Variants in VSIG1 observed in about 807,000 individuals in gnomAD.
VSIG1 encodes the protein V-set and immunoglobulin domain containing 1.
Under a neutral mutation model 20.1 loss-of-function variants are expected in VSIG1, and 11 were observed. The ratio of observed to expected loss-of-function variants is 0.55; its 90% CI spans 0.34 to 0.91. VSIG1 has a LOEUF of 0.91. VSIG1 is among the 40% of genes least tolerant of loss of function. The pLI, the probability that VSIG1 is intolerant of heterozygous loss-of-function variation, is 0.02. For synonymous variants in VSIG1, 126 were observed against 116.7 expected, an observed-to-expected ratio of 1.08 and a Z score of -0.52; for missense variants, 283 against 298.8, an observed-to-expected ratio of 0.95 and a Z score of 0.39.
chrX:108,032,780 G>A, the VSIG1 span, among the ~76,000 whole-genome samples: 2 of 111,602 alleles, frequency 1.8e-5, no homozygotes, highest in Admixed American at 1.9e-4. Flanking sequence ...GCAAAGAGTG[G>A]TGGGAGATAA....
chrX:108,069,530 T>C (rs2031197999), intron 3 of VSIG1, among the ~76,000 whole-genome samples: 1 of 111,490 alleles, frequency 9.0e-6, no homozygotes, highest in Non-Finnish European at 1.9e-5. Flanking sequence ...TGAGGCAAGA[T>C]GGGGACAGGT....
rs779703242 is a variant in VSIG1 at position 108,047,861 on chromosome X, T to C, written c.49+2682T>C. Among the ~76,000 whole-genome samples the C allele has an allele frequency of 1.4e-3, 84 of 61,180 alleles. 1 individual carries two copies. Among genetic ancestry groups the C allele is most frequent in the East Asian group, 0.011 (23 of 2,079 alleles). The allele number at this position is 61,180 out of a possible 115,157, so 53.1% of individuals were successfully genotyped here. On this transcript the variant is annotated intron_variant, in intron 1 of 6. Transcript: ENST00000217957. ...ATATATATACATATATATATACACATATATATATACACATATATATATATA... is the reference window on the plus strand; with the variant it reads ...ATATATATACATATATATATACACACATATATATACACATATATATATATA...
At chrX:108,025,647 T>C in the VSIG1 span, among the ~76,000 whole-genome samples, 1 of 112,700 alleles carries the variant, frequency 8.9e-6, no homozygotes, top group African/African-American at 3.2e-5. Flanking sequence ...TGTTTTTAAA[T>C]TTTTCAATAA....
chrX:108,034,191 A>G, the VSIG1 span, among the ~76,000 whole-genome samples: 2 of 111,025 alleles, frequency 1.8e-5, no homozygotes, highest in African/African-American at 6.6e-5. Context: ...GTGACCCAGC[A>G]TCTCAGGTCA....
chrX:108,061,622 A>T (rs1484891536), intron 2 of VSIG1: 1 of 767,138 alleles, frequency 1.3e-6, no homozygotes, highest in Admixed American at 2.7e-5. Context: ...ATGGGATGGG[A>T]GGGTCTGACT....
intron 6 of VSIG1, among the ~76,000 whole-genome samples, 195 bp downstream of exon 6, chrX:108,076,413 C>T (rs1285231548): frequency 8.9e-6 from 1 of 112,306 alleles, no homozygotes; most frequent in African/African-American, 3.2e-5. Context: ...GTTCTAAGCA[C>T]TTTATGTACA....
upstream of VSIG1, among the ~76,000 whole-genome samples, chrX:108,041,471 A>T (rs2030478426): frequency 9.0e-6 from 1 of 111,602 alleles, no homozygotes; most frequent in African/African-American, 3.3e-5. Context: ...GAAAGAGAGA[A>T]TAAAAATACC....
At position 108,052,579 on chromosome X, in the gene VSIG1, G is replaced by A. The variant is rs200232449; in HGVS notation, c.50-5459G>A. Among the ~76,000 whole-genome samples the A allele has an allele frequency of 6.7e-4, 74 of 110,879 alleles. 1 individual carries two copies. The East Asian group carries it at 0.018, about 27-fold the overall frequency. On this transcript the variant is annotated intron_variant, in intron 1 of 6. Transcript: ENST00000217957. ...TGCCGTGAGCCGAGATCACACTACT[G>A]CACTCCAACCTGGGTGACAGAGTGA...
At chrX:108,064,589 T>A (rs2031091054) in intron 2 of VSIG1, 1 of 209,846 alleles carries the variant, frequency 4.8e-6, no homozygotes, top group African/African-American at 3.1e-5. Context: ...AGAAATAAGG[T>A]CCTTTTCACC....
At chrX:108,039,086 G>A in the VSIG1 span, among the ~76,000 whole-genome samples, 694 of 111,526 alleles carry the variant, frequency 6.2e-3, 6 homozygotes, top group African/African-American at 0.021. Flanking sequence ...AGCAAATTTA[G>A]GGGCTTATAA....
chrX:108,028,902 G>A, the VSIG1 span, among the ~76,000 whole-genome samples: 10 of 111,679 alleles, frequency 9.0e-5, no homozygotes, highest in Non-Finnish European at 1.3e-4. Context: ...ATGATGGAGA[G>A]TGTGTCTCCA....
chrX:108,072,630 A>G (rs1167235424), intron 3 of VSIG1, 47 bp from the exon 4 acceptor site: 1 of 1,113,901 alleles, frequency 9.0e-7, no homozygotes, highest in East Asian at 3.0e-5. Flanking sequence ...TTGTCACAGA[A>G]TGCCATTCAT....
At chrX:108,047,885 TACACAC>T (rs1158059422) in intron 1 of VSIG1, among the ~76,000 whole-genome samples, 1 of 46,629 alleles carries the variant, frequency 2.1e-5, no homozygotes, top group African/African-American at 1.6e-4. Context: ...TATATATATA[TACACAC>T]ATATATATAT....
At chrX:108,036,047 A>C in the VSIG1 span, among the ~76,000 whole-genome samples, 3 of 98,467 alleles carry the variant, frequency 3.0e-5, no homozygotes, top group Non-Finnish European at 6.1e-5. Flanking sequence ...TGCTTCAGCC[A>C]GGGCCTTATT....
chrX:108,050,752 CTG>C (rs1177709741), intron 1 of VSIG1, among the ~76,000 whole-genome samples: 86 of 111,565 alleles, frequency 7.7e-4, no homozygotes, highest in African/African-American at 2.8e-3. Flanking sequence ...CTCTTAAAAA[CTG>C]AGGGAGATTT....
intron 1 of VSIG1, among the ~76,000 whole-genome samples, chrX:108,046,222 G>C (rs1270564454): frequency 2.7e-5 from 3 of 111,915 alleles, no homozygotes; most frequent in Non-Finnish European, 5.6e-5. Flanking sequence ...TTTAGAAATA[G>C]TTCTTTAAAT....
Position 108,079,069 on chromosome X carries a change from G to A in VSIG1, c.*1688G>A, listed in dbSNP as rs1250544207. ...AATCATATTTAAATCTTACTTTAAG[G>A]CTCAATAAATAATACTCATAATGTC... is the stretch of plus-strand genomic sequence containing the variant. On this transcript the variant is annotated 3_prime_UTR_variant, in exon 7 of 7. Transcript: ENST00000217957. The A allele has an allele frequency of 8.9e-6, 1 of 112,079 alleles. No homozygotes were observed. The highest frequency in any genetic ancestry group is 9.4e-5 in the Admixed American group (1 of 10,618). The allele number at this position is 112,079 out of a possible 1,213,427, so 9.2% of individuals were successfully genotyped here. A position where few individuals can be genotyped will look rare whatever the true frequency, so the allele number is the denominator to read the frequency against.
Position 108,047,788 on chromosome X carries a change from C to CTA in VSIG1, c.49+2610_49+2611insAT, listed in dbSNP as rs1156663703. 5.7e-3 allele frequency among the ~76,000 whole-genome samples: 323 copies of CTA among 56,554 alleles called. 8 individuals are homozygous for CTA. Among genetic ancestry groups the CTA allele is most frequent in the South Asian group, 6.5e-3 (8 of 1,228 alleles). 49.1% of individuals were successfully genotyped at this position (56,554 alleles called of 115,157 possible). A position where few individuals can be genotyped will look rare whatever the true frequency, so the allele number is the denominator to read the frequency against. On this transcript the variant is annotated intron_variant, in intron 1 of 6. Coordinates refer to ENST00000217957, the MANE Select transcript of VSIG1 (RefSeq NM_182607.5). Reference sequence around the variant, plus strand: ...ATTCTCTCTCTCTCTCTCTCTCTCTCTCTATATATATATATATATACATAT... The same window carrying CTA: ...ATTCTCTCTCTCTCTCTCTCTCTCTCTATCTATATATATATATATATACATAT...
At chrX:108,074,126 C>T (rs760939438) in intron 5 of VSIG1, among the ~76,000 whole-genome samples, 1 of 112,139 alleles carries the variant, frequency 8.9e-6, no homozygotes, top group African/African-American at 3.2e-5. Context: ...CTTAATAACA[C>T]TTAGGATCTT....
Sources: allele counts gnomAD v4.1 joint callset (sites outside exome capture counted in the v4.1 genomes callset), GRCh38; gene constraint gnomAD v4.1.1; transcripts MANE v1.5; gene names NCBI Gene and HGNC (gene_info 2026-07-23, HGNC 2026-07-21).